TNRC6C: variants seen among roughly 807,000 people sequenced by gnomAD.
TNRC6C encodes trinucleotide repeat-containing gene 6C protein.
Under a neutral mutation model 153.7 loss-of-function variants are expected in TNRC6C, and 20 were observed. The ratio of observed to expected loss-of-function variants is 0.13; its 90% confidence interval spans 0.09 to 0.19. The LOEUF (loss-of-function observed/expected upper bound fraction) is 0.19, where lower values mean the gene tolerates loss of function less well. Among genes scored for constraint, TNRC6C ranks in the 10% least tolerant of loss-of-function variants. The probability of loss-of-function intolerance (pLI) is 1.00; values close to 1 mark genes in which losing one functional copy is unlikely to be tolerated. For missense variants in TNRC6C, 1,987 were observed against 2,172.0 expected (o/e 0.91, Z 1.69); for synonymous variants, 811 against 841.4 (o/e 0.96, Z 0.63).
chr17:78,097,814 G>T, intron 16 of TNRC6C: 1 of 1,550,834 alleles, frequency 6.4e-7, no homozygotes. Context: ...AGTGCCTCCG[G>T]CTACAGTAGC....
At chr17:78,029,470 A>G (rs1471388562) in intron 1 of TNRC6C, among the ~76,000 whole-genome samples, 2 of 152,224 alleles carry the variant, frequency 1.3e-5, no homozygotes, top group Non-Finnish European at 2.9e-5. Context: ...TACGCTATAA[A>G]GAATTTTTAA....
chr17:78,000,912 T>C (rs1336318088), upstream of TNRC6C, among the ~76,000 whole-genome samples: 1 of 152,176 alleles, frequency 6.6e-6, no homozygotes, highest in Non-Finnish European at 1.5e-5. Context: ...GGATTCTCAG[T>C]CTACCTACAT....
intron 1 of TNRC6C, among the ~76,000 whole-genome samples, chr17:78,029,566 A>C (rs190536795): frequency 1.0e-3 from 159 of 152,348 alleles, no homozygotes; most frequent in African/African-American, 3.6e-3. Context: ...TGGTGAGTGA[A>C]TGTGAAGGCC....
intron 1 of TNRC6C, among the ~76,000 whole-genome samples, chr17:77,991,397 C>T (rs2071247690): frequency 6.6e-6 from 1 of 152,196 alleles, no homozygotes; most frequent in Admixed American, 6.5e-5. Context: ...GCGTTCTCCC[C>T]ATATCTTCAT....
At chr17:78,064,245 G>A (rs1203713540) in intron 3 of TNRC6C, among the ~76,000 whole-genome samples, 9 of 152,056 alleles carry the variant, frequency 5.9e-5, no homozygotes, top group East Asian at 1.9e-4. Flanking sequence ...ACAAGTGCAC[G>A]CCACCATACC....
At chr17:78,088,327 T>G (rs1455201102) in intron 13 of TNRC6C, among the ~76,000 whole-genome samples, 1 of 152,188 alleles carries the variant, frequency 6.6e-6, no homozygotes, top group African/African-American at 2.4e-5. Flanking sequence ...GAGTCCCAAC[T>G]CACCACCAAG....
At chr17:77,982,816 G>A (rs1490850450) in intron 1 of TNRC6C, among the ~76,000 whole-genome samples, 1 of 152,146 alleles carries the variant, frequency 6.6e-6, no homozygotes, top group African/African-American at 2.4e-5. Context: ...GGGTGACGGA[G>A]CAAGATTTCA....
chr17:78,074,991 G>A, intron 7 of TNRC6C, 145 bp from the exon 10 acceptor site: 2 of 1,112,730 alleles, frequency 1.8e-6, no homozygotes, highest in Non-Finnish European at 1.3e-6. Context: ...CCCTAGCAAA[G>A]CAAGGGCTCT....
intron 4 of TNRC6C, among the ~76,000 whole-genome samples, chr17:78,065,486 G>A (rs556483086): frequency 3.9e-5 from 6 of 152,124 alleles, no homozygotes; most frequent in South Asian, 2.1e-4. Flanking sequence ...AAGCAACCCC[G>A]CATATTATGT....
At position 78,088,930 on chromosome 17, in the gene TNRC6C, A is replaced by G. The variant is rs183873614; in HGVS notation, c.3802+1837A>G. On this transcript the variant is annotated intron_variant, in intron 13 of 19. Coordinates refer to ENST00000301624, the Ensembl canonical transcript of TNRC6C. ...TTATTCACCTGTCTTCTTAACCTAT[A>G]TTTGGAGGATAAAGTACACTTATCG... Among the ~76,000 whole-genome samples, 27 of 108,012 alleles carry G rather than the reference A, an allele frequency of 2.5e-4. 1 individual carries two copies. 70.9% of individuals were successfully genotyped at this position (108,012 alleles called of 152,430 possible). A position where few individuals can be genotyped will look rare whatever the true frequency, so the allele number is the denominator to read the frequency against.
chr17:77,962,493 A>G (rs1056579746), intron 1 of TNRC6C, among the ~76,000 whole-genome samples: 1 of 152,234 alleles, frequency 6.6e-6, no homozygotes, highest in East Asian at 1.9e-4. Flanking sequence ...AAAGATTACC[A>G]AGAGCAACTG....
At chr17:78,018,541 G>C (rs28698915) in intron 1 of TNRC6C, among the ~76,000 whole-genome samples, 22 of 151,722 alleles carry the variant, frequency 1.5e-4, no homozygotes, top group Non-Finnish European at 3.1e-4. Context: ...TGACATGTTT[G>C]GGGGGGTGGA....
intron 2 of TNRC6C, among the ~76,000 whole-genome samples, chr17:78,047,253 T>C (rs2072430916): frequency 6.6e-6 from 1 of 152,234 alleles, no homozygotes; most frequent in South Asian, 2.1e-4. Context: ...TTAGTTATTA[T>C]ATTAGATAGT....
intron 16 of TNRC6C, 35 bp from the exon 20 acceptor site, chr17:78,098,308 A>G: frequency 1.3e-6 from 2 of 1,555,138 alleles, no homozygotes; most frequent in Middle Eastern, 3.4e-4. Flanking sequence ...TCTTTGTCTC[A>G]AGACTGCATA....
intron 17 of TNRC6C, among the ~76,000 whole-genome samples, chr17:78,098,998 AC>A (rs1023127546): frequency 4.0e-5 from 6 of 151,890 alleles, no homozygotes; most frequent in African/African-American, 1.5e-4. Flanking sequence ...AACAAAACAA[AC>A]CCCACCAGTT....
At chr17:77,967,893 C>T (rs1323757975) in intron 1 of TNRC6C, among the ~76,000 whole-genome samples, 5 of 152,170 alleles carry the variant, frequency 3.3e-5, no homozygotes, top group African/African-American at 1.2e-4. Flanking sequence ...AGGGAAAACT[C>T]TCTGGAAATA....
chr17:78,042,821 G>A (rs1467192446), intron 2 of TNRC6C, among the ~76,000 whole-genome samples: 1 of 151,660 alleles, frequency 6.6e-6, no homozygotes, highest in Non-Finnish European at 1.5e-5. Flanking sequence ...GTTGGTGATG[G>A]TCGTAACAGT....
At chr17:78,056,356 C>T (rs2055254669) in intron 3 of TNRC6C, among the ~76,000 whole-genome samples, 1 of 151,572 alleles carries the variant, frequency 6.6e-6, no homozygotes, top group Admixed American at 6.6e-5. Flanking sequence ...TGGGGTTTCA[C>T]CATGTTGGCC....
intron 13 of TNRC6C, among the ~76,000 whole-genome samples, chr17:78,089,846 G>A (rs544699083): frequency 8.5e-5 from 13 of 152,300 alleles, no homozygotes; most frequent in Admixed American, 7.2e-4. Flanking sequence ...GAAGCCTCAC[G>A]TAGCACAGAA....
Sources: allele counts gnomAD v4.1 joint callset (sites outside exome capture counted in the v4.1 genomes callset), GRCh38; gene constraint gnomAD v4.1.1; transcripts MANE v1.5; gene names NCBI Gene and HGNC (gene_info 2026-07-23, HGNC 2026-07-21).